Variants in CNTN5 observed in about 807,000 individuals in gnomAD.
CNTN5 encodes contactin-5.
Under a neutral mutation model 129.1 loss-of-function variants are expected in CNTN5, and 77 were observed. The observed-to-expected ratio is 0.60, with a 90% CI of 0.50 to 0.72. CNTN5 has a LOEUF of 0.72. Among genes scored for constraint, CNTN5 ranks in the 30% least tolerant of loss-of-function variants. The pLI is 0.00. For synonymous variants in CNTN5, 509 were observed against 465.6 expected (o/e 1.09, Z -1.20); for missense variants, 1,478 against 1,328.8 (o/e 1.11, Z -1.75).
intron 18 of CNTN5, among the ~76,000 whole-genome samples, chr11:100,273,363 G>C (rs982841672): frequency 1.3e-5 from 2 of 152,082 alleles, no homozygotes; most frequent in Non-Finnish European, 2.9e-5. Context: ...GTGGGGATTT[G>C]GGTTTGCTTT....
intron 6 of CNTN5, among the ~76,000 whole-genome samples, chr11:99,852,215 GTAT>G (rs879639896): frequency 1.3e-5 from 2 of 152,082 alleles, no homozygotes; most frequent in Non-Finnish European, 2.9e-5. Context: ...TTCTTTAAAA[GTAT>G]AATTACTTTG....
At chr11:99,939,796 C>T (rs1950394491) in intron 7 of CNTN5, among the ~76,000 whole-genome samples, 1 of 152,000 alleles carries the variant, frequency 6.6e-6, no homozygotes. Flanking sequence ...AATTTGAATT[C>T]AGTTTAGGAA....
chr11:99,691,778 T>C (rs1004357064), intron 3 of CNTN5, among the ~76,000 whole-genome samples: 2 of 152,150 alleles, frequency 1.3e-5, no homozygotes, highest in African/African-American at 4.8e-5. Context: ...GATCCAGAGC[T>C]GAGTTCAGGT....
chr11:100,160,159 A>T (rs116043858), intron 13 of CNTN5, among the ~76,000 whole-genome samples: 1,597 of 151,964 alleles, frequency 0.011, 31 homozygotes, highest in African/African-American at 0.037. Context: ...CTTATGACTG[A>T]CAACATGCGG....
chr11:100,157,786 C>T (rs942018551), intron 13 of CNTN5, among the ~76,000 whole-genome samples: 3 of 151,568 alleles, frequency 2.0e-5, no homozygotes, highest in African/African-American at 7.3e-5. Flanking sequence ...AAACACCAAA[C>T]GAAGATCTGC....
chr11:99,532,140 A>G (rs944402819), intron 2 of CNTN5, among the ~76,000 whole-genome samples: 1 of 152,060 alleles, frequency 6.6e-6, no homozygotes, highest in African/African-American at 2.4e-5. Context: ...ACAGGGGCAG[A>G]GCTTCCCAAG....
intron 2 of CNTN5, among the ~76,000 whole-genome samples, chr11:99,433,016 A>AG (rs1943451547): frequency 6.6e-6 from 1 of 151,756 alleles, no homozygotes; most frequent in Non-Finnish European, 1.5e-5. Context: ...TACCAGGAAA[A>AG]AAAAAAAAAA....
chr11:100,341,622 G>A (rs1299843884), intron 23 of CNTN5, among the ~76,000 whole-genome samples: 3 of 152,078 alleles, frequency 2.0e-5, no homozygotes, highest in Non-Finnish European at 1.5e-5. Context: ...AAAAATGTAA[G>A]GGCTAGAACA....
intron 3 of CNTN5, among the ~76,000 whole-genome samples, chr11:99,800,459 G>A (rs1032825975): frequency 6.6e-6 from 1 of 152,078 alleles, no homozygotes; most frequent in African/African-American, 2.4e-5. Context: ...TGTCAATTAG[G>A]TCCATTTGTT....
chr11:99,455,589 T>G (rs1944468546), intron 2 of CNTN5, among the ~76,000 whole-genome samples: 1 of 151,948 alleles, frequency 6.6e-6, no homozygotes, highest in African/African-American at 2.4e-5. Flanking sequence ...TGTCACGGAG[T>G]AAAAACTCAA....
At chr11:99,055,678 C>A (rs914504328) in intron 1 of CNTN5, among the ~76,000 whole-genome samples, 1 of 151,824 alleles carries the variant, frequency 6.6e-6, no homozygotes, top group African/African-American at 2.4e-5. Context: ...CCAGCTCTTA[C>A]CAATCATATT....
Position 100,283,240 on chromosome 11 carries a change from A to G in CNTN5, c.2314+11999A>G, listed in dbSNP as rs1950680267. ...ATGTCATACAGGAGCTAGGGTCTGAAAAGAGGGCTTCACAACTATGACCAG... is the reference window on the plus strand; with the variant it reads ...ATGTCATACAGGAGCTAGGGTCTGAGAAGAGGGCTTCACAACTATGACCAG... On this transcript the variant is annotated intron_variant, in intron 18 of 24. Transcript: ENST00000524871. Among the ~76,000 whole-genome samples, 3 of 152,144 alleles carry G rather than the reference A, an allele frequency of 2.0e-5. No homozygotes were observed. The South Asian group carries it at 6.2e-4, about 32-fold the overall frequency.
intron 2 of CNTN5, among the ~76,000 whole-genome samples, chr11:99,362,163 A>C (rs1939154391): frequency 6.6e-6 from 1 of 151,938 alleles, no homozygotes; most frequent in South Asian, 2.1e-4. Context: ...ATTATTTTTT[A>C]ATAATAGCCA....
At chr11:99,268,649 G>C (rs539381715) in intron 1 of CNTN5, among the ~76,000 whole-genome samples, 21 of 151,908 alleles carry the variant, frequency 1.4e-4, no homozygotes, top group Middle Eastern at 3.4e-3. Flanking sequence ...TAATCAGTGA[G>C]GAATAATTGG....
chr11:99,981,879 CTAAG>C (rs1938372553), intron 8 of CNTN5, among the ~76,000 whole-genome samples: 1 of 152,092 alleles, frequency 6.6e-6, no homozygotes, highest in Admixed American at 6.5e-5. Flanking sequence ...TCAGCCAAAA[CTAAG>C]TGTGAGATGA....
intron 7 of CNTN5, among the ~76,000 whole-genome samples, chr11:99,951,901 A>G (rs1950685984): frequency 6.6e-6 from 1 of 152,244 alleles, no homozygotes; most frequent in Non-Finnish European, 1.5e-5. Flanking sequence ...GGAGGTTTGT[A>G]TAAATAGATT....
chr11:99,955,391 T>C (rs953939438), intron 7 of CNTN5, among the ~76,000 whole-genome samples: 1 of 151,984 alleles, frequency 6.6e-6, no homozygotes, highest in Non-Finnish European at 1.5e-5. Context: ...TAATAAAATA[T>C]TAAATGTACT....
At chr11:99,622,498 G>A (rs1164008740) in intron 3 of CNTN5, among the ~76,000 whole-genome samples, 2 of 152,050 alleles carry the variant, frequency 1.3e-5, no homozygotes, top group African/African-American at 2.4e-5. Context: ...GATTATCTGG[G>A]GAAGATTATA....
chr11:99,734,690 G>T (rs1213717891), intron 3 of CNTN5, among the ~76,000 whole-genome samples: 2 of 145,350 alleles, frequency 1.4e-5, no homozygotes, highest in African/African-American at 2.6e-5. Flanking sequence ...TATTTACATT[G>T]TTGATTATTA....
Sources: allele counts gnomAD v4.1 joint callset (sites outside exome capture counted in the v4.1 genomes callset), GRCh38; gene constraint gnomAD v4.1.1; transcripts MANE v1.5; gene names NCBI Gene and HGNC (gene_info 2026-07-23, HGNC 2026-07-21).